Variants in MST1R observed in about 807,000 individuals in gnomAD.
MST1R encodes macrophage-stimulating protein receptor.
In MST1R, 99 loss-of-function variants were observed where a neutral mutation model predicts 117.8. The ratio of observed to expected loss-of-function variants is 0.84; its 90% CI spans 0.71 to 0.99. The LOEUF is 0.99. MST1R is among the 50% of genes least tolerant of loss of function. The pLI is 0.00. For missense variants in MST1R, 1,683 were observed against 1,840.2 expected (o/e 0.91, Z 1.56); for synonymous variants, 734 against 765.3 (o/e 0.96, Z 0.68).
chr3:49,903,776 C>T lies in MST1R; in HGVS notation c.-167G>A. 8 of 915,418 alleles carry T rather than the reference C, an allele frequency of 8.7e-6. No individual in the cohort carries two copies. The highest frequency in any genetic ancestry group is 1.3e-5 in the Non-Finnish European group (8 of 630,808). 56.7% of individuals were successfully genotyped at this position (915,418 alleles called of 1,614,324 possible). A position where few individuals can be genotyped will look rare whatever the true frequency, so the allele number is the denominator to read the frequency against. The stretch of plus-strand genomic sequence containing the variant: ...CCCCAGGTTCCTGTGAAACCCAAAT[C>T]CCTTCCCGGCCCTCGGGTCTGAGCA... On this transcript the variant is annotated 5_prime_UTR_variant, in exon 1 of 20. Transcript: ENST00000296474.
At position 49,903,136 on chromosome 3, in the gene MST1R, T is replaced by TAA; in HGVS notation, c.473_474insTT (p.Ala159Ter). ...GGGCTGAGAAGAGGCAGGCTGGCGC[T>TAA]GCCAGATGCACGGCTGTCCCTTGGG... On this transcript the variant is annotated frameshift_variant, in exon 1 of 20. Coordinates refer to ENST00000296474, the MANE Select transcript of MST1R (RefSeq NM_002447.4). LOFTEE classifies it high-confidence loss of function. The TAA allele has an allele frequency of 6.2e-7, 1 of 1,604,036 alleles. No individual in the cohort carries two copies. The highest frequency in any genetic ancestry group is 8.5e-7 in the Non-Finnish European group (1 of 1,179,976).
chr3:49,889,787 G>A, intron 19 of MST1R, 137 bp downstream of exon 19: 1 of 1,064,322 alleles, frequency 9.4e-7, no homozygotes, highest in South Asian at 1.5e-5. Context: ...CACAGATGAG[G>A]AAATTGAGGC....
intron 14 of MST1R, 168 bp from the exon 15 acceptor site, chr3:49,892,006 C>T: frequency 2.0e-6 from 1 of 501,892 alleles, no homozygotes; most frequent in Non-Finnish European, 3.5e-6. Context: ...CACTCTTGCC[C>T]AGGCTGAAGT....
rs1490128134 is a variant in MST1R, at chr3:49,902,517, C to T, written c.1093G>A (p.Val365Ile). The change falls in exon 1 of 20, where the codon GTC (valine) becomes ATC (isoleucine). Residue 365 changes from valine to isoleucine, a missense_variant. By Grantham distance (29) the Val-to-Ile change is conservative. Transcript: ENST00000296474. The part of the protein sequence containing the change: ...DGGPGVGPNS[V>I]VCAFPIDLLD... The stretch of plus-strand genomic sequence containing the variant: ...AGGTCAATGGGGAAGGCACAGACGA[C>T]AGAGTTGGGGCCCACGCCAGGACCA... 4.3e-6 allele frequency: 7 copies of T among 1,614,018 alleles called. No individual in the cohort carries two copies. Among genetic ancestry groups the T allele is most frequent in the Non-Finnish European group, 5.9e-6 (7 of 1,180,054 alleles).
Position 49,891,314 on chromosome 3 carries a change from C to A in MST1R, c.3535-8G>T. On this transcript the variant is annotated splice_region_variant and splice_polypyrimidine_tract_variant and intron_variant, in intron 16 of 19. Transcript: ENST00000296474. ...GTCCTTCACGGTGGGGTTCTGGGGG[C>A]ACAGGTGGGTTGGTGGGCAAGGGCA... The A allele has an allele frequency of 6.2e-7, 1 of 1,614,110 alleles. No homozygotes were observed. The highest frequency in any genetic ancestry group is 2.2e-5 in the East Asian group (1 of 44,886).
intron 19 of MST1R, among the ~76,000 whole-genome samples, chr3:49,889,654 T>TAGG (rs913257448): frequency 2.0e-5 from 3 of 151,948 alleles, no homozygotes; most frequent in Non-Finnish European, 4.4e-5. Context: ...GGGAGTCGGG[T>TAGG]AGGAGGAGCA....
rs779002336 is a variant in MST1R, at chr3:49,890,073, G to T, written c.3811-13C>A. ...CACCAAATGACCACTGTGGAAAGGGGGAGGTGAGGGGACTCAACTCACCCC... is the reference window on the plus strand; with the variant it reads ...CACCAAATGACCACTGTGGAAAGGGTGAGGTGAGGGGACTCAACTCACCCC... On this transcript the variant is annotated splice_polypyrimidine_tract_variant and intron_variant, in intron 18 of 19. Transcript: ENST00000296474. The T allele has an allele frequency of 3.8e-6, 6 of 1,581,722 alleles. No homozygotes were observed. Among genetic ancestry groups the T allele is most frequent in the Non-Finnish European group, 5.2e-6 (6 of 1,163,924 alleles).
rs2082487286 is a variant in MST1R, at chr3:49,896,781, G to A, written c.2293C>T (p.Gln765Ter). 2 of 1,568,864 alleles carry A rather than the reference G, an allele frequency of 1.3e-6. No homozygotes were observed. The highest frequency in any genetic ancestry group is 2.7e-5 in the African/African-American group (2 of 73,784). Residue 765 changes from glutamine (Q) to a stop codon, truncating the protein, a stop_gained, in exon 8 of 20, where the codon CAG becomes TAG. Coordinates refer to ENST00000296474, the MANE Select transcript of MST1R (RefSeq NM_002447.4). LOFTEE classifies it high-confidence loss of function. ...GAQVPGSWTF[Q>*]YREDPVVLSI... Reference sequence around the variant, plus strand: ...AGCACGACAGGGTCTTCTCTGTACTGGAAGGTCCAGGAACCAGGTACCTGG... The same window carrying A: ...AGCACGACAGGGTCTTCTCTGTACTAGAAGGTCCAGGAACCAGGTACCTGG...
intron 1 of MST1R, 86 bp from the exon 2 acceptor site, chr3:49,899,349 C>T: frequency 1.4e-6 from 2 of 1,428,522 alleles, no homozygotes; most frequent in South Asian, 2.5e-5. Context: ...CACAGCAGCC[C>T]AACACTCTCA....
At chr3:49,897,763 C>A in intron 5 of MST1R, 78 bp from the exon 6 acceptor site, 25 of 1,506,944 alleles carry the variant, frequency 1.7e-5, no homozygotes, top group Non-Finnish European at 2.2e-5. Flanking sequence ...AGCCACAGGG[C>A]TCCTCTGAGC....
At chr3:49,899,892 T>G (rs2108484345) in intron 1 of MST1R, among the ~76,000 whole-genome samples, 1 of 152,212 alleles carries the variant, frequency 6.6e-6, no homozygotes, top group South Asian at 2.1e-4. Context: ...ATCTCACAGA[T>G]GAGGAAACAG....
At position 49,896,229 on chromosome 3, in the gene MST1R, G is replaced by A. The variant is rs576609097; in HGVS notation, c.2615C>T (p.Pro872Leu). The A allele has an allele frequency of 1.9e-6, 3 of 1,614,178 alleles. No individual in the cohort carries two copies. Among genetic ancestry groups the A allele is most frequent in the Non-Finnish European group, 2.5e-6 (3 of 1,180,028 alleles). The change falls in exon 10 of 20, where the codon CCA becomes CTA. Residue 872 changes from proline to leucine, a missense_variant. Physicochemically the swap from Pro to Leu is moderately conservative, Grantham distance 98. Transcript: ENST00000296474. ...PPHPPSANLV[P>L]LKPEEHAIKF... ...AATGGCATGCTCCTCAGGCTTCAGT[G>A]GAACTAGGTTGGCACTGGGTGGATG...
rs1463930018 is a variant in MST1R, at chr3:49,896,066, G to A, written c.2691C>T (p.Asn897=). 10 of 1,611,552 alleles carry A rather than the reference G, an allele frequency of 6.2e-6. No homozygotes were observed. Among genetic ancestry groups the A allele is most frequent in the African/African-American group, 5.3e-5 (4 of 74,874 alleles). The change falls in exon 11 of 20, where the codon AAC becomes AAT. Residue 897 remains asparagine, a synonymous_variant. Transcript: ENST00000296474. ...GGCAGCTCTCACCACCCACGGTCAC[G>A]TTGATACCCACACAGTCAGCCACAG... ...LGAVADCVGI[N]VTVGGESCQH...
Position 49,903,138 on chromosome 3 carries a change from C to T in MST1R, c.472G>A (p.Ala158Thr). The T allele has an allele frequency of 6.2e-7, 1 of 1,604,026 alleles. No homozygotes were observed. Among genetic ancestry groups the T allele is most frequent in the South Asian group, 1.1e-5 (1 of 91,080 alleles). The change falls in exon 1 of 20, where the codon GCA becomes ACA. Residue 158 changes from alanine to threonine, a missense_variant. By Grantham distance (58) the Ala-to-Thr change is moderately conservative. Transcript: ENST00000296474. ...GCTGAGAAGAGGCAGGCTGGCGCTG[C>T]CAGATGCACGGCTGTCCCTTGGGGC... is the stretch of plus-strand genomic sequence containing the variant. ...LEPQGTAVHL[A>T]APACLFSAHH... is the part of the protein sequence containing the mutation.
At position 49,891,185 on chromosome 3, in the gene MST1R, C is replaced by G; in HGVS notation, c.3644+12G>C. ...GTCCTTTTGCTTCACCCCAGCTACTCTGGACTCTCACATGCAGTTCCGCGC... is the reference window on the plus strand; with the variant it reads ...GTCCTTTTGCTTCACCCCAGCTACTGTGGACTCTCACATGCAGTTCCGCGC... On this transcript the variant is annotated intron_variant, in intron 17 of 19. Transcript: ENST00000296474. 1.9e-6 allele frequency: 3 copies of G among 1,612,750 alleles called. No individual in the cohort carries two copies. The highest frequency in any genetic ancestry group is 2.5e-6 in the Non-Finnish European group (3 of 1,179,368).
intron 7 of MST1R, 31 bp downstream of exon 7, chr3:49,897,249 C>A (rs375434214): frequency 2.8e-5 from 44 of 1,575,656 alleles, no homozygotes; most frequent in Non-Finnish European, 3.6e-5. Flanking sequence ...TAGAACCCTG[C>A]GGCCTCCCAT....
chr3:49,895,311 T>C lies in MST1R; in HGVS notation c.3127A>G (p.Ser1043Gly), dbSNP rs367578151. 6.2e-6 allele frequency: 10 copies of C among 1,614,074 alleles called. No individual in the cohort carries two copies. In the African/African-American group the frequency reaches 1.1e-4, roughly 17 times the overall value. Residue 1043 changes from serine to glycine, a missense_variant, in exon 14 of 20, where the codon AGT (serine) becomes GGT (glycine). Transcript: ENST00000296474. ...AGTGGCACACAGGATTCATCTTCAC[T>C]ATCGGAGAAGGATGCTCCATGGACA... is the stretch of plus-strand genomic sequence containing the variant. ...TCVHGASFSDSEDESCVPLLR... is the reference protein window; with the variant it reads ...TCVHGASFSDGEDESCVPLLR...
At position 49,887,237 on chromosome 3, in the gene MST1R, G is replaced by T; in HGVS notation, c.*70C>A. ...CAAGGTGGAGGGCCACTGCCCTCTG[G>T]CCTGGCATGGCCCAGAGGCAGCTTG... is the stretch of plus-strand genomic sequence containing the variant. On this transcript the variant is annotated 3_prime_UTR_variant, in exon 20 of 20. Coordinates refer to ENST00000296474, the MANE Select transcript of MST1R (RefSeq NM_002447.4). 1 of 1,584,290 alleles carries T rather than the reference G, an allele frequency of 6.3e-7. No homozygotes were observed. The highest frequency in any genetic ancestry group is 2.2e-5 in the East Asian group (1 of 44,630).
intron 19 of MST1R, among the ~76,000 whole-genome samples, chr3:49,888,300 G>A (rs1236014839): frequency 1.3e-5 from 2 of 152,096 alleles, no homozygotes; most frequent in Non-Finnish European, 2.9e-5. Flanking sequence ...GCCGGGCGTC[G>A]TGGCAGGCGC....
Sources: gnomAD v4.1 joint callset for allele counts (sites outside exome capture counted in the v4.1 genomes callset) on GRCh38, gnomAD v4.1.1 for gene constraint, MANE v1.5 for transcripts, NCBI Gene and HGNC (gene_info 2026-07-23, HGNC 2026-07-21) for gene names.